Variants in HDC observed in about 807,000 individuals in gnomAD.
HDC encodes the protein histidine decarboxylase.
A neutral mutation model predicts 64.4 loss-of-function variants in HDC; 27 were observed. The observed-to-expected ratio is 0.42, with a 90% CI of 0.31 to 0.58. The LOEUF is 0.58. Among genes scored for constraint, HDC ranks in the 20% least tolerant of loss-of-function variants. The pLI is 0.16. For missense variants in HDC, 711 were observed against 833.9 expected (o/e 0.85, Z 1.81); for synonymous variants, 305 against 314.2 (o/e 0.97, Z 0.31).
In HDC at chr15:50,242,993, A is replaced by C. The variant is rs1437648926; in HGVS notation, c.1256T>G (p.Leu419Arg). ...VVFRLKGPNC[L>R]TENVLKEIAK... Reference sequence around the variant, plus strand: ...TATTTCCTTTAACACATTTTCTGTGAGACAATTAGGACCCTGTTTGAAAAA... The same window carrying C: ...TATTTCCTTTAACACATTTTCTGTGCGACAATTAGGACCCTGTTTGAAAAA... Residue 419 changes from leucine (L) to arginine (R), a missense_variant, in exon 12 of 12, where the codon CTC becomes CGC. Leu to Arg is a moderately radical substitution (Grantham distance 102, BLOSUM62 -2). Coordinates refer to ENST00000267845, the MANE Select transcript of HDC (RefSeq NM_002112.4). The C allele has an allele frequency of 1.2e-6, 2 of 1,613,986 alleles. No homozygotes were observed. The highest frequency in any genetic ancestry group is 1.7e-6 in the Non-Finnish European group (2 of 1,180,026).
chr15:50,252,460 A>C lies in HDC; in HGVS notation c.1011T>G (p.His337Gln). 6.2e-7 allele frequency: 1 copy of C among 1,614,186 alleles called. No homozygotes were observed. The highest frequency in any genetic ancestry group is 1.7e-5 in the Admixed American group (1 of 60,020). The change falls in exon 9 of 12, where the codon CAT becomes CAG. Residue 337 changes from histidine to glutamine, a missense_variant. Physicochemically the swap from His to Gln is conservative, Grantham distance 24. Transcript: ENST00000267845. Reference sequence around the variant, plus strand: ...AGTCGGTGGCCACGCCTGAGTTGGCATGCCTGAGGTAGATGGGATTCACAC... The same window carrying C: ...AGTCGGTGGCCACGCCTGAGTTGGCCTGCCTGAGGTAGATGGGATTCACAC... ...TFSVNPIYLR[H>Q]ANSGVATDFM...
intron 6 of HDC, 169 bp from the exon 7 acceptor site, chr15:50,253,835 A>G: frequency 1.4e-6 from 1 of 693,008 alleles, no homozygotes; most frequent in Non-Finnish European, 2.6e-6. Context: ...TTTATATAAC[A>G]ATCTAGTACA....
chr15:50,265,130 C>T (rs1056432721), intron 1 of HDC, among the ~76,000 whole-genome samples: 1 of 152,138 alleles, frequency 6.6e-6, no homozygotes, highest in Non-Finnish European at 1.5e-5. Context: ...GAGTAGGCAC[C>T]TACTAAATAT....
rs140354356 is a variant in HDC, at chr15:50,250,056, G to A, written c.1042-1713C>T. Among the ~76,000 whole-genome samples the A allele has an allele frequency of 1.4e-4, 22 of 152,318 alleles. No homozygotes were observed. The East Asian group carries it at 3.7e-3, about 25-fold the overall frequency. On this transcript the variant is annotated intron_variant, in intron 9 of 11. Coordinates refer to ENST00000267845, the MANE Select transcript of HDC (RefSeq NM_002112.4). ...GCTCCCTTGCCAAGGCTAAGGTAACGCTCCCTCCACTGGTGCTCTCTGTCC... is the reference window on the plus strand; with the variant it reads ...GCTCCCTTGCCAAGGCTAAGGTAACACTCCCTCCACTGGTGCTCTCTGTCC...
In HDC at chr15:50,243,810, T is replaced by C. The variant is rs1452624021; in HGVS notation, c.1141-566A>G. Reference sequence around the variant, plus strand: ...TTCATCCCCTGTTTCTGACATTCCATAGAGAACATATTTTCACATCTTGTC... The same window carrying C: ...TTCATCCCCTGTTTCTGACATTCCACAGAGAACATATTTTCACATCTTGTC... On this transcript the variant is annotated intron_variant, in intron 10 of 11. Transcript: ENST00000267845. Among the ~76,000 whole-genome samples, 4 of 152,184 alleles carry C rather than the reference T, an allele frequency of 2.6e-5. No homozygotes were observed. The East Asian group carries it at 7.7e-4, about 29-fold the overall frequency.
In HDC at chr15:50,252,432, T is replaced by G. The variant is rs1173128425; in HGVS notation, c.1039A>C (p.Met347Leu). 2 of 1,613,320 alleles carry G rather than the reference T, an allele frequency of 1.2e-6. No individual in the cohort carries two copies. The highest frequency in any genetic ancestry group is 1.7e-6 in the Non-Finnish European group (2 of 1,179,334). Residue 347 changes from methionine to leucine, a missense_variant and splice_region_variant, in exon 9 of 12, where the codon ATG becomes CTG. Transcript: ENST00000267845. ...GCTGCCCGTCCCTGGCCACTCACCA[T>G]GAAGTCGGTGGCCACGCCTGAGTTG... is the stretch of plus-strand genomic sequence containing the variant. ...HANSGVATDF[M>L]HWQIPLSRRF... is the part of the protein sequence containing the mutation.
At chr15:50,247,426 G>A (rs1033620282) in intron 10 of HDC, among the ~76,000 whole-genome samples, 1 of 151,940 alleles carries the variant, frequency 6.6e-6, no homozygotes, top group Non-Finnish European at 1.5e-5. Flanking sequence ...CATAGTTACC[G>A]CTTCCACCAC....
intron 2 of HDC, among the ~76,000 whole-genome samples, chr15:50,259,925 C>G (rs191698473): frequency 3.2e-4 from 49 of 152,300 alleles, no homozygotes; most frequent in Non-Finnish European, 1.2e-4. Context: ...CATCCCACCT[C>G]AGTCCCTAAC....
At chr15:50,261,715 T>C (rs1475350051) in intron 2 of HDC, among the ~76,000 whole-genome samples, 1 of 150,564 alleles carries the variant, frequency 6.6e-6, no homozygotes, top group African/African-American at 2.4e-5. Flanking sequence ...TTTGTCACTT[T>C]TTTTTTTTTT....
rs140051919 is a variant in HDC, at chr15:50,251,722, C to T, written c.1041+708G>A. ...TGGCTCACGCCTGTAGTCCCAGATACTTGGAAAGCTGAGGCAGGAGAATCG... is the reference window on the plus strand; with the variant it reads ...TGGCTCACGCCTGTAGTCCCAGATATTTGGAAAGCTGAGGCAGGAGAATCG... On this transcript the variant is annotated intron_variant, in intron 9 of 11. Coordinates refer to ENST00000267845, the MANE Select transcript of HDC (RefSeq NM_002112.4). 1.6e-3 allele frequency among the ~76,000 whole-genome samples: 238 copies of T among 152,090 alleles called. 3 individuals are homozygous for T. The South Asian group carries it at 0.024, about 15-fold the overall frequency.
chr15:50,242,468 G>A lies in HDC; in HGVS notation c.1781C>T (p.Ala594Val). ...GGCCTCTGTGGGCAGTGGCTTCTGAGCACTCACTGGCACACTGTTGCAACT... is the reference window on the plus strand; with the variant it reads ...GGCCTCTGTGGGCAGTGGCTTCTGAACACTCACTGGCACACTGTTGCAACT... Reference protein sequence around the residue: ...SLSCNSVPVSAQKPLPTEASV... With the variant: ...SLSCNSVPVSVQKPLPTEASV... The change falls in exon 12 of 12, where the codon GCT (alanine) becomes GTT (valine). Residue 594 changes from alanine (A) to valine (V), a missense_variant. Transcript: ENST00000267845. The A allele has an allele frequency of 6.2e-7, 1 of 1,614,188 alleles. No individual in the cohort carries two copies. Among genetic ancestry groups the A allele is most frequent in the Non-Finnish European group, 8.5e-7 (1 of 1,180,006 alleles).
At chr15:50,246,769 C>G (rs577356690) in intron 10 of HDC, among the ~76,000 whole-genome samples, 4 of 152,274 alleles carry the variant, frequency 2.6e-5, no homozygotes, top group Non-Finnish European at 4.4e-5. Context: ...AAAAATGTTC[C>G]TAATTACTTG....
In HDC at chr15:50,254,178, A is replaced by C. The variant is rs1258523927; in HGVS notation, c.672T>G (p.Leu224=). The change falls in exon 6 of 12, where the codon CTT becomes CTG. Residue 224 remains leucine (L), a synonymous_variant. Coordinates refer to ENST00000267845, the MANE Select transcript of HDC (RefSeq NM_002112.4). ...GCTTGTCTTCCTCGATGGCCTTCTGAAGAGCTTCCCCTCGGAGTGAGAAGT... is the reference window on the plus strand; with the variant it reads ...GCTTGTCTTCCTCGATGGCCTTCTGCAGAGCTTCCCCTCGGAGTGAGAAGT... ...DDNFSLRGEA[L]QKAIEEDKQR... is the part of the protein sequence containing the mutation. 4 of 1,614,114 alleles carry C rather than the reference A, an allele frequency of 2.5e-6. No individual in the cohort carries two copies. The highest frequency in any genetic ancestry group is 3.4e-6 in the Non-Finnish European group (4 of 1,180,050).
At chr15:50,258,553 G>A (rs754523610) in intron 2 of HDC, 36 bp from the exon 3 acceptor site, 34 of 1,265,490 alleles carry the variant, frequency 2.7e-5, no homozygotes, top group Non-Finnish European at 3.5e-5. Context: ...GGCACCAGGA[G>A]GCATTTCCAG....
At position 50,258,493 on chromosome 15, in the gene HDC, T is replaced by C; in HGVS notation, c.229A>G (p.Met77Val). ...PGVVHWQSPH[M>V]HAYYPALTSW... ...GTGAGGGCTGGGTAGTAGGCGTGCATATGGGGGCTCTGCCAATGTACCACC... is the reference window on the plus strand; with the variant it reads ...GTGAGGGCTGGGTAGTAGGCGTGCACATGGGGGCTCTGCCAATGTACCACC... Residue 77 changes from methionine to valine, a missense_variant, in exon 3 of 12, where the codon ATG becomes GTG. By Grantham distance (21) the Met-to-Val change is conservative (BLOSUM62 1). Transcript: ENST00000267845. 6.2e-7 allele frequency: 1 copy of C among 1,612,678 alleles called. No individual in the cohort carries two copies. The highest frequency in any genetic ancestry group is 8.5e-7 in the Non-Finnish European group (1 of 1,178,934).
intron 3 of HDC, among the ~76,000 whole-genome samples, chr15:50,258,077 A>G (rs1319597750): frequency 6.6e-6 from 1 of 152,216 alleles, no homozygotes; most frequent in East Asian, 1.9e-4. Context: ...AATAGGCATC[A>G]AATTGCTTAG....
chr15:50,243,276 T>A, intron 10 of HDC, 32 bp from the exon 11 acceptor site: 1 of 1,356,304 alleles, frequency 7.4e-7, no homozygotes, highest in South Asian at 1.2e-5. Flanking sequence ...GAACTGAGAT[T>A]AATCATCAGA....
At chr15:50,250,926 G>C (rs1413839354) in intron 9 of HDC, among the ~76,000 whole-genome samples, 1 of 152,186 alleles carries the variant, frequency 6.6e-6, no homozygotes, top group Admixed American at 6.5e-5. Context: ...GTCCAAGGGA[G>C]AATAGCCAGT....
At chr15:50,265,346 G>A (rs2045753544) in intron 1 of HDC, among the ~76,000 whole-genome samples, 2 of 152,108 alleles carry the variant, frequency 1.3e-5, no homozygotes, top group South Asian at 4.1e-4. Flanking sequence ...GGAAAAGCAA[G>A]GCACGGTAGT....
Sources: gnomAD v4.1 joint callset for allele counts (sites outside exome capture counted in the v4.1 genomes callset) on GRCh38, gnomAD v4.1.1 for gene constraint, MANE v1.5 for transcripts, NCBI Gene and HGNC (gene_info 2026-07-23, HGNC 2026-07-21) for gene names.